The following GLMN variants were observed in gnomAD, a reference collection of about 807,000 sequenced individuals.
The protein encoded by GLMN is glomulin.
A neutral mutation model predicts 87.8 loss-of-function variants in GLMN; 75 were observed. The observed-to-expected ratio is 0.85, with a 90% CI of 0.71 to 1.04. The LOEUF is 1.04. Among genes scored for constraint, GLMN ranks in the 50% least tolerant of loss-of-function variants. The pLI is 0.00. For synonymous variants in GLMN, 206 were observed against 221.6 expected (o/e 0.93, Z 0.63); for missense variants, 588 against 658.8 (o/e 0.89, Z 1.18).
chr1:92,288,599 A>T (rs1649042119), intron 6 of GLMN, among the ~76,000 whole-genome samples: 2 of 151,850 alleles, frequency 1.3e-5, no homozygotes, highest in South Asian at 2.1e-4. Flanking sequence ...GCTAATTTTT[A>T]AATTTTTTTA....
chr1:92,284,550 C>A (rs1041421609), intron 7 of GLMN, among the ~76,000 whole-genome samples: 15 of 152,170 alleles, frequency 9.9e-5, no homozygotes, highest in Non-Finnish European at 1.3e-4. Context: ...CCATTCAGGA[C>A]ATAGGCATGG....
chr1:92,305,315 C>T, the GLMN span, among the ~76,000 whole-genome samples: 1 of 151,072 alleles, frequency 6.6e-6, no homozygotes, highest in Non-Finnish European at 1.5e-5. Context: ...CGCCTGTAGT[C>T]CCAGCTACTC....
chr1:92,361,077 CAT>C, the GLMN span, among the ~76,000 whole-genome samples: 29 of 142,426 alleles, frequency 2.0e-4, no homozygotes, highest in Admixed American at 2.2e-4. Flanking sequence ...AAGCAAAAAG[CAT>C]ATATATATAT....
chr1:92,302,590 ATTTTTTTTTTTTTT>A (rs36067595), upstream of GLMN, among the ~76,000 whole-genome samples: 5 of 74,340 alleles, frequency 6.7e-5, no homozygotes, highest in East Asian at 1.7e-3. Context: ...TCCGCATTAA[ATTTTTTTTTTTTTT>A]TTTTTTTTTT....
upstream of GLMN, among the ~76,000 whole-genome samples, chr1:92,303,722 AT>A (rs1411932330): frequency 6.6e-6 from 1 of 152,222 alleles, no homozygotes; most frequent in Non-Finnish European, 1.5e-5. Context: ...ATTTAACTAT[AT>A]AATCTACAAA....
chr1:92,333,397 T>A, the GLMN span: 4 of 1,612,358 alleles, frequency 2.5e-6, no homozygotes, highest in South Asian at 4.4e-5. Context: ...TCAGCATGAT[T>A]CCACCTTTCC....
intron 16 of GLMN, among the ~76,000 whole-genome samples, chr1:92,256,468 C>G (rs1481361715): frequency 6.6e-6 from 1 of 152,172 alleles, no homozygotes; most frequent in Non-Finnish European, 1.5e-5. Context: ...AAATTTCAGG[C>G]CAATATCCCT....
In GLMN at chr1:92,291,491, C is replaced by G. The variant is rs763215259; in HGVS notation, c.212G>C (p.Arg71Pro). 1.2e-6 allele frequency: 2 copies of G among 1,610,686 alleles called. No individual in the cohort carries two copies. The highest frequency in any genetic ancestry group is 1.7e-6 in the Non-Finnish European group (2 of 1,177,064). The change falls in exon 4 of 19, where the codon CGA becomes CCA. Residue 71 changes from arginine to proline, a missense_variant. Coordinates refer to ENST00000370360, the MANE Select transcript of GLMN (RefSeq NM_053274.3). ...MGWNLVGPVV[R>P]CLLCKDKEDS... ...CTCTTTATCTTTACACAAAAGGCAT[C>G]GAACAACAGGACCAACGAGATTCCA...
At chr1:92,247,694 T>A (rs1025562741) in intron 17 of GLMN, among the ~76,000 whole-genome samples, 184 bp downstream of exon 17, 1 of 152,188 alleles carries the variant, frequency 6.6e-6, no homozygotes, top group African/African-American at 2.4e-5. Context: ...TAAGTCTTCA[T>A]TAACCCGATT....
At chr1:92,357,475 G>A in the GLMN span, among the ~76,000 whole-genome samples, 13 of 152,104 alleles carry the variant, frequency 8.5e-5, no homozygotes, top group South Asian at 8.3e-4. Context: ...TACCTATAGC[G>A]TGAAAAAAGC....
the GLMN span, among the ~76,000 whole-genome samples, chr1:92,361,525 T>G: frequency 6.6e-6 from 1 of 152,166 alleles, no homozygotes. Flanking sequence ...TGCTTACTAT[T>G]GTGACTGAAG....
At chr1:92,302,567 G>A (rs1035680683), upstream of GLMN, among the ~76,000 whole-genome samples, 8 of 148,012 alleles carry the variant, frequency 5.4e-5, no homozygotes, top group Non-Finnish European at 1.5e-5. Context: ...AACATAAAAC[G>A]GGAGAATTAA....
intron 15 of GLMN, 41 bp downstream of exon 15, chr1:92,263,582 T>C: frequency 1.1e-6 from 1 of 880,732 alleles, no homozygotes; most frequent in Non-Finnish European, 2.0e-6. Context: ...TCACATTTTA[T>C]TCTGAATTTA....
chr1:92,312,103 C>T, the GLMN span, among the ~76,000 whole-genome samples: 1 of 152,124 alleles, frequency 6.6e-6, no homozygotes, highest in Non-Finnish European at 1.5e-5. Context: ...TTACCCACAG[C>T]AGAACATCTT....
chr1:92,326,430 T>G, the GLMN span, among the ~76,000 whole-genome samples: 1 of 152,188 alleles, frequency 6.6e-6, no homozygotes, highest in African/African-American at 2.4e-5. Flanking sequence ...ATTTTTGTGC[T>G]GGTTAGCCTC....
Position 92,269,765 on chromosome 1 carries a change from A to G in GLMN, c.935T>C (p.Leu312Pro), listed in dbSNP as rs763127734. The G allele has an allele frequency of 1.2e-6, 2 of 1,603,412 alleles. No individual in the cohort carries two copies. The highest frequency in any genetic ancestry group is 1.7e-6 in the Non-Finnish European group (2 of 1,170,406). Residue 312 changes from leucine to proline, a missense_variant, in exon 9 of 19, where the codon CTT becomes CCT. Transcript: ENST00000370360. ...QLPMVLSPLYLLQFNMGHIEV... is the reference protein window; with the variant it reads ...QLPMVLSPLYPLQFNMGHIEV... Reference sequence around the variant, plus strand: ...AATGTGCCCCATATTAAACTGCAAAAGGTACAATGGGCTAAAATAGAAACA... The same window carrying G: ...AATGTGCCCCATATTAAACTGCAAAGGGTACAATGGGCTAAAATAGAAACA...
At chr1:92,298,855 C>T (rs1650512018) in intron 1 of GLMN, 70 bp downstream of exon 1, 1 of 400,632 alleles carries the variant, frequency 2.5e-6, no homozygotes, top group Non-Finnish European at 4.4e-6. Flanking sequence ...GCCCGCAGCA[C>T]CAAGTCCGCC....
At chr1:92,297,268 T>G in intron 3 of GLMN, 136 bp downstream of exon 3, 6 of 1,226,000 alleles carry the variant, frequency 4.9e-6, no homozygotes, top group African/African-American at 1.5e-5. Flanking sequence ...TTTCTAATTC[T>G]TTTTTTGTTT....
chr1:92,249,231 C>T (rs1653110627), intron 16 of GLMN, among the ~76,000 whole-genome samples: 1 of 148,798 alleles, frequency 6.7e-6, no homozygotes, highest in East Asian at 2.0e-4. Flanking sequence ...GAAGGGAATA[C>T]AGTATATCAA....
Sources: gnomAD v4.1 joint callset for allele counts (sites outside exome capture counted in the v4.1 genomes callset) on GRCh38, gnomAD v4.1.1 for gene constraint, MANE v1.5 for transcripts, NCBI Gene and HGNC (gene_info 2026-07-23, HGNC 2026-07-21) for gene names.